G2E3: variants seen among roughly 807,000 people sequenced by gnomAD.
The protein encoded by G2E3 is G2/M-phase specific E3 ubiquitin protein ligase.
In G2E3, 35 loss-of-function variants were observed where a neutral mutation model predicts 92.8. That is an observed-to-expected ratio of 0.38 (90% CI 0.29 to 0.50). G2E3 has a LOEUF of 0.50. Ranked by LOEUF, G2E3 falls within the 20% of genes least tolerant of loss-of-function variation. G2E3 has a pLI of 0.94. For synonymous variants in G2E3, 242 were observed against 272.4 expected (o/e 0.89, Z 1.10); for missense variants, 554 against 823.8 (o/e 0.67, Z 4.01).
At chr14:30,588,288 TA>T (rs909460394) in intron 3 of G2E3, among the ~76,000 whole-genome samples, 4 of 152,148 alleles carry the variant, frequency 2.6e-5, no homozygotes, top group Non-Finnish European at 5.9e-5. Context: ...AAAAGTAAAA[TA>T]AAAAGTATTA....
At chr14:30,592,266 A>G in intron 4 of G2E3, 57 bp from the exon 5 acceptor site, 1 of 1,460,010 alleles carries the variant, frequency 6.8e-7, no homozygotes, top group Non-Finnish European at 9.6e-7. Flanking sequence ...TGTCTTGATC[A>G]TATTATAATA....
chr14:30,580,978 A>G, intron 1 of G2E3, 98 bp from the exon 2 acceptor site: 1 of 732,782 alleles, frequency 1.4e-6, no homozygotes, highest in Middle Eastern at 3.0e-4. Flanking sequence ...AGAGTATTAG[A>G]TGACTTATTT....
chr14:30,598,489 T>G lies in G2E3; in HGVS notation c.642T>G (p.Ala214=). Residue 214 remains alanine (A), a synonymous_variant, in exon 8 of 15, where the codon GCT becomes GCG. Coordinates refer to ENST00000206595, the MANE Select transcript of G2E3 (RefSeq NM_017769.5). ...TTTATATCTTCTTTTATAGAGATGC[T>G]TCCTGGGAATTAGAGGAAAACGCTT... ...RMGIHIPEKD[A]SWELEENAYQ... The G allele has an allele frequency of 1.3e-6, 2 of 1,587,960 alleles. No individual in the cohort carries two copies. Among genetic ancestry groups the G allele is most frequent in the Non-Finnish European group, 1.7e-6 (2 of 1,156,054 alleles).
intron 1 of G2E3, among the ~76,000 whole-genome samples, chr14:30,570,578 A>G (rs963118812): frequency 6.6e-6 from 1 of 151,988 alleles, no homozygotes; most frequent in African/African-American, 2.4e-5. Flanking sequence ...CCTGTCTTCA[A>G]GTTCGCTGAT....
chr14:30,593,689 T>A, intron 6 of G2E3, 50 bp downstream of exon 6: 1 of 1,300,390 alleles, frequency 7.7e-7, no homozygotes, highest in Middle Eastern at 1.9e-4. Flanking sequence ...AAATTATGGC[T>A]TGCTGATTTA....
In G2E3 at chr14:30,569,743, G is replaced by C. The variant is rs183176984; in HGVS notation, c.-5+10471G>C. 4.7e-4 allele frequency among the ~76,000 whole-genome samples: 72 copies of C among 151,860 alleles called. No homozygotes were observed. In the Middle Eastern group the frequency reaches 0.01, roughly 22 times the overall value. ...TCAGGGTTAGGACCAGCTGGTGAAGGGGGGGGATTATATTACTTACTATCT... is the reference window on the plus strand; with the variant it reads ...TCAGGGTTAGGACCAGCTGGTGAAGCGGGGGGATTATATTACTTACTATCT... On this transcript the variant is annotated intron_variant, in intron 1 of 14. Transcript: ENST00000206595.
chr14:30,578,534 A>G (rs1026081494), intron 1 of G2E3, among the ~76,000 whole-genome samples: 1 of 152,240 alleles, frequency 6.6e-6, no homozygotes, highest in African/African-American at 2.4e-5. Context: ...AGTAGATTTT[A>G]TACAGGATTT....
At chr14:30,610,064 G>A (rs937481186) in intron 12 of G2E3, among the ~76,000 whole-genome samples, 5 of 152,122 alleles carry the variant, frequency 3.3e-5, no homozygotes, top group African/African-American at 4.8e-5. Context: ...CCTGTTGAAC[G>A]AAGTTGAAGC....
At chr14:30,612,882 A>C (rs73251134) in intron 13 of G2E3, among the ~76,000 whole-genome samples, 2,537 of 152,200 alleles carry the variant, frequency 0.017, 91 homozygotes, top group African/African-American at 0.057. Flanking sequence ...GAATTGTGTA[A>C]ATGTATGATG....
chr14:30,584,019 C>T (rs1880573724), intron 2 of G2E3, among the ~76,000 whole-genome samples: 1 of 152,190 alleles, frequency 6.6e-6, no homozygotes, highest in Non-Finnish European at 1.5e-5. Flanking sequence ...AGTCACCCCT[C>T]ATTTTCCGTG....
In G2E3 at chr14:30,619,816, TAAATGTGTTTATGCCACTAAA is replaced by T. The variant is rs1228520927; in HGVS notation, c.*3283_*3303del. 1 of 152,296 alleles carries T rather than the reference TAAATGTGTTTATGCCACTAAA, an allele frequency of 6.6e-6. No homozygotes were observed. The highest frequency in any genetic ancestry group is 1.5e-5 in the Non-Finnish European group (1 of 67,998). 9.4% of individuals were successfully genotyped at this position (152,296 alleles called of 1,614,324 possible). A position where few individuals can be genotyped will look rare whatever the true frequency, so the allele number is the denominator to read the frequency against. On this transcript the variant is annotated 3_prime_UTR_variant, in exon 15 of 15. Transcript: ENST00000206595. ...TTTATAACAATGTTTTATAAATAAATAAATGTGTTTATGCCACTAAAGGTAAACTGCCTATTTAAACTAAGT... is the reference window on the plus strand; with the variant it reads ...TTTATAACAATGTTTTATAAATAAATGGTAAACTGCCTATTTAAACTAAGT...
intron 7 of G2E3, 91 bp from the exon 8 acceptor site, chr14:30,598,392 C>T (rs1423357347): frequency 2.2e-6 from 2 of 894,864 alleles, no homozygotes; most frequent in Non-Finnish European, 3.6e-6. Flanking sequence ...GTCTCAAGAA[C>T]AAAAAAAGGT....
intron 2 of G2E3, among the ~76,000 whole-genome samples, chr14:30,583,561 T>C (rs543426832): frequency 3.9e-5 from 6 of 152,320 alleles, no homozygotes; most frequent in African/African-American, 1.4e-4. Context: ...AATTTTATAA[T>C]AGACTGGTGG....
chr14:30,589,475 T>C lies in G2E3; in HGVS notation c.228T>C (p.Ala76=). The C allele has an allele frequency of 1.4e-6, 2 of 1,466,144 alleles. No individual in the cohort carries two copies. The highest frequency in any genetic ancestry group is 1.9e-6 in the Non-Finnish European group (2 of 1,049,608). The allele number at this position is 1,466,144 out of a possible 1,614,324, so 90.8% of individuals were successfully genotyped here. Residue 76 remains alanine (A), a synonymous_variant, in exon 4 of 15, where the codon GCT becomes GCC. Coordinates refer to ENST00000206595, the MANE Select transcript of G2E3 (RefSeq NM_017769.5). ...IEDIRKEVNR[A]SKLKCCVCKK... ...ATATCAGGAAGGAAGTGAATAGAGC[T>C]TCTAAACTGGTAAGTAAATTATTTT... is the stretch of plus-strand genomic sequence containing the variant.
intron 4 of G2E3, among the ~76,000 whole-genome samples, chr14:30,590,306 T>C (rs229249): frequency 0.073 from 11,084 of 152,162 alleles, 1,319 homozygotes; most frequent in African/African-American, 0.25. Context: ...ATCCCATAAA[T>C]GCTGAAGTTG....
intron 2 of G2E3, among the ~76,000 whole-genome samples, chr14:30,584,552 A>G (rs1322819185): frequency 6.6e-6 from 1 of 152,176 alleles, no homozygotes; most frequent in Non-Finnish European, 1.5e-5. Flanking sequence ...ATTGTCAGAC[A>G]TTTTGATTAC....
chr14:30,611,796 AGGT>A (rs1882101619), intron 12 of G2E3: 1 of 153,980 alleles, frequency 6.5e-6, no homozygotes, highest in African/African-American at 2.4e-5. Context: ...CTAGGACTAC[AGGT>A]GTATACCACC....
rs752331668 is a variant in G2E3, at chr14:30,605,541, A to G, written c.1047A>G (p.Leu349=). The G allele has an allele frequency of 9.0e-6, 13 of 1,447,390 alleles. No homozygotes were observed. Among genetic ancestry groups the G allele is most frequent in the South Asian group, 2.5e-5 (2 of 81,322 alleles). 89.7% of individuals were successfully genotyped at this position (1,447,390 alleles called of 1,614,324 possible). ...AATTTAGAAGAAATGTATCAACACTATTAATAGAGTTAGGATTCCAAATTA... is the reference window on the plus strand; with the variant it reads ...AATTTAGAAGAAATGTATCAACACTGTTAATAGAGTTAGGATTCCAAATTA... ...GSKFRRNVST[L]LIELGFQIKK... is the part of the protein sequence containing the mutation. The change falls in exon 11 of 15, where the codon CTA becomes CTG. Residue 349 remains leucine, a synonymous_variant. Transcript: ENST00000206595.
At chr14:30,567,920 T>G (rs1209937682) in intron 1 of G2E3, among the ~76,000 whole-genome samples, 1 of 152,148 alleles carries the variant, frequency 6.6e-6, no homozygotes, top group African/African-American at 2.4e-5. Flanking sequence ...GTGATTTCAG[T>G]CTTGTAAAAT....
Sources: allele counts gnomAD v4.1 joint callset (sites outside exome capture counted in the v4.1 genomes callset), GRCh38; gene constraint gnomAD v4.1.1; transcripts MANE v1.5; gene names NCBI Gene and HGNC (gene_info 2026-07-23, HGNC 2026-07-21).